The following STK39 variants were observed in gnomAD, a reference collection of about 807,000 sequenced individuals.
STK39 encodes the protein STE20/SPS1-related proline-alanine-rich protein kinase.
A neutral mutation model predicts 77.8 loss-of-function variants in STK39; 20 were observed. The observed-to-expected ratio is 0.26, with a 90% CI of 0.18 to 0.37. The LOEUF (loss-of-function observed/expected upper bound fraction) is 0.37, where lower values mean the gene tolerates loss of function less well. STK39 is among the 10% of genes least tolerant of loss of function. The pLI is 1.00. For missense variants in STK39, 479 were observed against 656.5 expected (o/e 0.73, Z 2.95); for synonymous variants, 246 against 234.1 (o/e 1.05, Z -0.47).
intron 14 of STK39, among the ~76,000 whole-genome samples, chr2:168,045,150 T>C (rs1035584150): frequency 2.6e-5 from 4 of 152,202 alleles, no homozygotes; most frequent in African/African-American, 9.7e-5. Context: ...AATATAATGA[T>C]GTTATTTCAA....
At chr2:168,147,015 C>G (rs1402475358) in intron 5 of STK39, among the ~76,000 whole-genome samples, 5 of 152,118 alleles carry the variant, frequency 3.3e-5, no homozygotes, top group African/African-American at 9.7e-5. Flanking sequence ...GCCACTTAGC[C>G]CTAGTCTCCT....
chr2:168,025,869 G>A (rs767584734), intron 14 of STK39, among the ~76,000 whole-genome samples: 1 of 152,190 alleles, frequency 6.6e-6, no homozygotes, highest in Non-Finnish European at 1.5e-5. Context: ...GTGTCTTCAC[G>A]TCAGAACTGG....
At chr2:168,053,954 G>A (rs745461073) in intron 14 of STK39, among the ~76,000 whole-genome samples, 28 of 152,160 alleles carry the variant, frequency 1.8e-4, no homozygotes, top group African/African-American at 2.4e-4. Flanking sequence ...AATGTAGGAC[G>A]AAAGGAAAAA....
At chr2:168,171,422 G>A (rs564456581) in intron 2 of STK39, among the ~76,000 whole-genome samples, 2 of 151,090 alleles carry the variant, frequency 1.3e-5, no homozygotes, top group African/African-American at 4.9e-5. Context: ...ATGAGGAGTT[G>A]GGAGGAAAAA....
intron 16 of STK39, among the ~76,000 whole-genome samples, chr2:167,980,510 A>T (rs1683387508): frequency 1.3e-5 from 2 of 152,220 alleles, no homozygotes; most frequent in South Asian, 4.1e-4. Context: ...AAATCTACGG[A>T]TATGAGGAAT....
intron 16 of STK39, among the ~76,000 whole-genome samples, chr2:168,005,677 G>T (rs1348805192): frequency 6.6e-6 from 1 of 152,182 alleles, no homozygotes; most frequent in African/African-American, 2.4e-5. Context: ...GCACGCAGTA[G>T]TACAGCAGGA....
chr2:168,206,078 G>T (rs1431237694), intron 1 of STK39, among the ~76,000 whole-genome samples: 1 of 151,898 alleles, frequency 6.6e-6, no homozygotes, highest in East Asian at 1.9e-4. Flanking sequence ...TATTCATCTG[G>T]TCTACCACCA....
chr2:168,088,480 T>G (rs1026882425), intron 10 of STK39, among the ~76,000 whole-genome samples: 1 of 152,154 alleles, frequency 6.6e-6, no homozygotes, highest in Non-Finnish European at 1.5e-5. Flanking sequence ...CAGAAATCAG[T>G]TGCTATCCTG....
chr2:168,016,319 T>A (rs6759360), intron 15 of STK39, among the ~76,000 whole-genome samples: 20,362 of 146,870 alleles, frequency 0.14, 3,267 homozygotes, highest in African/African-American at 0.39. Context: ...AAGACTAGCA[T>A]TCAGGGACCA....
At chr2:168,031,214 G>A (rs1684825259) in intron 14 of STK39, among the ~76,000 whole-genome samples, 1 of 152,172 alleles carries the variant, frequency 6.6e-6, no homozygotes, top group Non-Finnish European at 1.5e-5. Context: ...GGTACCAGAA[G>A]GGGTATGATT....
At chr2:168,238,989 T>C (rs1193543089) in intron 1 of STK39, among the ~76,000 whole-genome samples, 5 of 152,174 alleles carry the variant, frequency 3.3e-5, no homozygotes, top group African/African-American at 7.2e-5. Flanking sequence ...AAGTACACTG[T>C]AAAGGAATTA....
chr2:168,177,245 A>AT, intron 2 of STK39, among the ~76,000 whole-genome samples: 1 of 151,866 alleles, frequency 6.6e-6, no homozygotes, highest in East Asian at 1.9e-4. Flanking sequence ...TATTTCTTTC[A>AT]TTTTTTTAAT....
chr2:168,202,026 G>T (rs974706500), intron 1 of STK39, among the ~76,000 whole-genome samples: 1 of 152,214 alleles, frequency 6.6e-6, no homozygotes, highest in African/African-American at 2.4e-5. Flanking sequence ...CAGAGCTGGG[G>T]CTTCCTGAGA....
intron 1 of STK39, among the ~76,000 whole-genome samples, chr2:168,185,848 T>C (rs1689196571): frequency 6.6e-6 from 1 of 152,200 alleles, no homozygotes; most frequent in Non-Finnish European, 1.5e-5. Flanking sequence ...AGTAATTAAA[T>C]CCCTGCCATG....
At chr2:168,231,265 AGAAAAT>A (rs1690447775) in intron 1 of STK39, among the ~76,000 whole-genome samples, 2 of 152,214 alleles carry the variant, frequency 1.3e-5, no homozygotes, top group Non-Finnish European at 2.9e-5. Flanking sequence ...ATGTCACTTT[AGAAAAT>A]TAGTCTCATT....
intron 16 of STK39, among the ~76,000 whole-genome samples, chr2:167,988,934 G>A (rs987757512): frequency 2.0e-5 from 3 of 152,190 alleles, no homozygotes; most frequent in African/African-American, 7.2e-5. Context: ...CAGTGACTGA[G>A]AGCTTCAACC....
At chr2:168,165,862 T>C (rs1688683837) in intron 3 of STK39, among the ~76,000 whole-genome samples, 1 of 152,198 alleles carries the variant, frequency 6.6e-6, no homozygotes, top group African/African-American at 2.4e-5. Flanking sequence ...AATTCTGCTA[T>C]GCTAGTTTTG....
intron 1 of STK39, among the ~76,000 whole-genome samples, chr2:168,236,419 G>T (rs1690611230): frequency 6.6e-6 from 1 of 152,146 alleles, no homozygotes; most frequent in Non-Finnish European, 1.5e-5. Flanking sequence ...CACTCTGATG[G>T]TGGTTTCTTT....
rs1691704370 is a variant in STK39 at position 167,954,033 on chromosome 2, T to C, written c.*1463A>G. On this transcript the variant is annotated 3_prime_UTR_variant, in exon 18 of 18. Coordinates refer to ENST00000355999, the MANE Select transcript of STK39 (RefSeq NM_013233.3). ...AATGCAAAACAATCTCATTGTGCAA[T>C]ACACTTTTATTTTCCTTTTACCTTT... The C allele has an allele frequency of 6.5e-6, 1 of 152,676 alleles. No individual in the cohort carries two copies. The highest frequency in any genetic ancestry group is 2.1e-4 in the South Asian group (1 of 4,832). 9.5% of individuals were successfully genotyped at this position (152,676 alleles called of 1,614,324 possible).
Sources: allele counts gnomAD v4.1 joint callset (sites outside exome capture counted in the v4.1 genomes callset), GRCh38; gene constraint gnomAD v4.1.1; transcripts MANE v1.5; gene names NCBI Gene and HGNC (gene_info 2026-07-23, HGNC 2026-07-21).